THSD7B: variants seen among roughly 807,000 people sequenced by gnomAD.
The protein encoded by THSD7B is thrombospondin type-1 domain-containing protein 7B.
Under a neutral mutation model 213.6 loss-of-function variants are expected in THSD7B, and 138 were observed. The ratio of observed to expected loss-of-function variants is 0.65; its 90% confidence interval spans 0.56 to 0.74. THSD7B has a LOEUF of 0.74. Ranked by LOEUF, THSD7B falls within the 30% of genes least tolerant of loss-of-function variation. The pLI is 0.00. For synonymous variants in THSD7B, 742 were observed against 687.0 expected (o/e 1.08, Z -1.25); for missense variants, 1,931 against 1,991.5 (o/e 0.97, Z 0.58).
intron 12 of THSD7B, among the ~76,000 whole-genome samples, chr2:137,390,950 G>A (rs1337115929): frequency 6.6e-6 from 1 of 151,892 alleles, no homozygotes; most frequent in Non-Finnish European, 1.5e-5. Flanking sequence ...GAGGATTTTT[G>A]CATCTATGTT....
intron 12 of THSD7B, among the ~76,000 whole-genome samples, chr2:137,382,157 T>C (rs1278448146): frequency 6.6e-6 from 1 of 152,170 alleles, no homozygotes; most frequent in East Asian, 1.9e-4. Context: ...CAGAAACAGT[T>C]TGTCTTCATG....
chr2:137,181,376 G>A (rs558855105), intron 7 of THSD7B, among the ~76,000 whole-genome samples: 14 of 152,146 alleles, frequency 9.2e-5, no homozygotes, highest in Non-Finnish European at 1.3e-4. Flanking sequence ...CACCAAAGTG[G>A]TCTTTATTAC....
chr2:136,792,823 GA>G (rs1681993268), intron 1 of THSD7B, among the ~76,000 whole-genome samples: 1 of 151,842 alleles, frequency 6.6e-6, no homozygotes, highest in South Asian at 2.1e-4. Context: ...AAATTTTATA[GA>G]AATGGAATCA....
intron 1 of THSD7B, among the ~76,000 whole-genome samples, chr2:136,782,087 A>C (rs1681753262): frequency 6.6e-6 from 1 of 152,226 alleles, no homozygotes. Context: ...AAAGTGGTTA[A>C]GAAATGCCTA....
intron 5 of THSD7B, among the ~76,000 whole-genome samples, chr2:137,128,739 A>G (rs551791629): frequency 9.1e-4 from 138 of 152,252 alleles, no homozygotes; most frequent in South Asian, 4.6e-3. Flanking sequence ...TGCTTCTAAA[A>G]CATGTACCTT....
intron 15 of THSD7B, among the ~76,000 whole-genome samples, chr2:137,561,703 A>G (rs960550624): frequency 6.6e-6 from 1 of 152,074 alleles, no homozygotes; most frequent in Non-Finnish European, 1.5e-5. Context: ...ATTTTCTTAC[A>G]TCTACTATCC....
chr2:137,003,033 G>A (rs891910023), intron 2 of THSD7B, among the ~76,000 whole-genome samples: 5 of 152,082 alleles, frequency 3.3e-5, no homozygotes, highest in African/African-American at 1.2e-4. Context: ...TTATCCAGTT[G>A]ACTGCAGTTA....
chr2:137,118,325 C>T (rs1219115897), intron 5 of THSD7B, among the ~76,000 whole-genome samples: 3 of 152,208 alleles, frequency 2.0e-5, no homozygotes, highest in Middle Eastern at 3.4e-3. Context: ...GAAAGTAAAA[C>T]ATGAATCAAG....
chr2:137,299,176 T>G (rs114080884), intron 12 of THSD7B, among the ~76,000 whole-genome samples: 1,662 of 152,236 alleles, frequency 0.011, 32 homozygotes, highest in African/African-American at 0.038. Context: ...GGAAGTCATT[T>G]TGGAGCTTTA....
chr2:136,871,879 C>G (rs1232108977), intron 1 of THSD7B, among the ~76,000 whole-genome samples: 1 of 152,156 alleles, frequency 6.6e-6, no homozygotes, highest in Admixed American at 6.5e-5. Flanking sequence ...ATAAATGAAG[C>G]ACCCCTTTCT....
intron 12 of THSD7B, among the ~76,000 whole-genome samples, chr2:137,379,467 C>T (rs898127683): frequency 1.6e-4 from 25 of 152,156 alleles, no homozygotes; most frequent in Admixed American, 1.6e-3. Flanking sequence ...ACACACTTTC[C>T]TCAAACATTG....
intron 12 of THSD7B, among the ~76,000 whole-genome samples, chr2:137,284,491 T>C (rs1683119038): frequency 1.3e-5 from 2 of 152,258 alleles, no homozygotes; most frequent in South Asian, 2.1e-4. Flanking sequence ...ATTGTGATGT[T>C]AGGGTGTCAA....
At chr2:137,528,241 A>C (rs1680315655) in intron 15 of THSD7B, among the ~76,000 whole-genome samples, 1 of 152,026 alleles carries the variant, frequency 6.6e-6, no homozygotes, top group Admixed American at 6.6e-5. Flanking sequence ...TACATTGCAG[A>C]TATTTGGAAA....
At chr2:137,178,186 A>ATTTTTT (rs34568563) in intron 7 of THSD7B, among the ~76,000 whole-genome samples, 1 of 144,746 alleles carries the variant, frequency 6.9e-6, no homozygotes, top group Admixed American at 6.9e-5. Flanking sequence ...CAGTGAGTAA[A>ATTTTTT]TTTTTTTTTT....
At chr2:137,405,258 G>A (rs111781412) in intron 12 of THSD7B, among the ~76,000 whole-genome samples, 2,309 of 147,970 alleles carry the variant, frequency 0.016, 51 homozygotes, top group African/African-American at 0.053. Flanking sequence ...AAGTAGTTTC[G>A]TCCTTTTTGT....
At chr2:137,501,991 C>G (rs138020502) in intron 15 of THSD7B, among the ~76,000 whole-genome samples, 1 of 152,118 alleles carries the variant, frequency 6.6e-6, no homozygotes, top group South Asian at 2.1e-4. Context: ...ATGATCAATG[C>G]GCAAGCTAAA....
chr2:137,101,680 C>T (rs1688153184), intron 4 of THSD7B, among the ~76,000 whole-genome samples: 1 of 152,146 alleles, frequency 6.6e-6, no homozygotes, highest in Admixed American at 6.5e-5. Flanking sequence ...TGAAGTCGAC[C>T]TGGGATGCTC....
intron 12 of THSD7B, among the ~76,000 whole-genome samples, chr2:137,342,051 G>A (rs1266422480): frequency 1.3e-5 from 2 of 151,488 alleles, no homozygotes; most frequent in African/African-American, 4.8e-5. Context: ...TTTTAATAGA[G>A]ATAAAATTAG....
intron 1 of THSD7B, among the ~76,000 whole-genome samples, chr2:136,787,874 G>T (rs1428149483): frequency 6.6e-6 from 1 of 152,004 alleles, no homozygotes; most frequent in African/African-American, 2.4e-5. Context: ...CTGTCCTAAG[G>T]CTGCCATGTC....
Sources: allele counts gnomAD v4.1 joint callset (sites outside exome capture counted in the v4.1 genomes callset), GRCh38; gene constraint gnomAD v4.1.1; transcripts MANE v1.5; gene names NCBI Gene and HGNC (gene_info 2026-07-23, HGNC 2026-07-21).